Variants in TEAD3 observed in about 807,000 individuals in gnomAD.
TEAD3 encodes the protein transcriptional enhancer factor TEF-5.
TEAD3 carries 15 observed loss-of-function variants against 55.6 expected under a neutral mutation model. The ratio of observed to expected loss-of-function variants is 0.27; its 90% confidence interval spans 0.18 to 0.42. TEAD3 has a LOEUF of 0.42. TEAD3 is among the 10% of genes least tolerant of loss of function. The probability of loss-of-function intolerance (pLI) is 1.00; values close to 1 mark genes in which losing one functional copy is unlikely to be tolerated. For synonymous variants in TEAD3, 210 were observed against 232.2 expected (o/e 0.90, Z 0.87); for missense variants, 407 against 576.8 (o/e 0.71, Z 3.01).
chr6:35,492,342 C>T (rs1036346247), intron 1 of TEAD3, among the ~76,000 whole-genome samples: 3 of 151,984 alleles, frequency 2.0e-5, no homozygotes, highest in Non-Finnish European at 2.9e-5. Flanking sequence ...CTCCCCTACC[C>T]GCCCCACAGC....
At chr6:35,489,153 C>T (rs1330132695) in intron 1 of TEAD3, among the ~76,000 whole-genome samples, 1 of 152,228 alleles carries the variant, frequency 6.6e-6, no homozygotes, top group Non-Finnish European at 1.5e-5. Context: ...AATATTACTA[C>T]TACTAACAGT....
In TEAD3 at chr6:35,475,857, T is replaced by A; in HGVS notation, c.900+62A>T. The A allele has an allele frequency of 6.7e-7, 1 of 1,499,876 alleles. No individual in the cohort carries two copies. The highest frequency in any genetic ancestry group is 8.9e-7 in the Non-Finnish European group (1 of 1,122,974). 92.9% of individuals were successfully genotyped at this position (1,499,876 alleles called of 1,614,324 possible). A position where few individuals can be genotyped will look rare whatever the true frequency, so the allele number is the denominator to read the frequency against. ...GGGTCAGAGGTCAATGCAGTGGGCCTGGATGTTGCACCTCTGGGGTGGGGA... is the reference window on the plus strand; with the variant it reads ...GGGTCAGAGGTCAATGCAGTGGGCCAGGATGTTGCACCTCTGGGGTGGGGA... On this transcript the variant is annotated intron_variant, in intron 10 of 12. Transcript: ENST00000639578. The surrounding 1 kb of genome is among the most constrained non-coding windows in gnomAD (Gnocchi z 5.4).
downstream of TEAD3, chr6:35,474,789 G>A (rs1044822354): frequency 1.3e-5 from 6 of 472,730 alleles, no homozygotes; most frequent in Non-Finnish European, 2.3e-5. Context: ...GCTGGGCAGA[G>A]CAGGGTGATG....
intron 3 of TEAD3, among the ~76,000 whole-genome samples, chr6:35,480,713 T>C (rs1768249628): frequency 6.6e-6 from 1 of 152,168 alleles, no homozygotes; most frequent in Non-Finnish European, 1.5e-5. Flanking sequence ...GGCCACCATG[T>C]ACAGCTGCAC....
chr6:35,474,937 G>C, exon 13 of TEAD3: 1 of 957,910 alleles, frequency 1.0e-6, no homozygotes, highest in Non-Finnish European at 1.5e-6. Context: ...CTGGGCCTGA[G>C]GCCTGGCAGG....
At position 35,480,253 on chromosome 6, in the gene TEAD3, T is replaced by C. The variant is rs193083428; in HGVS notation, c.268-131A>G. ...AGGAAAGGCCTGAGCTATGCAGAGA[T>C]AGCGCCGTGGGTGAGGGGCCCAGGA... On this transcript the variant is annotated intron_variant, in intron 3 of 12. Coordinates refer to ENST00000639578, the Ensembl canonical transcript of TEAD3. The C allele has an allele frequency of 1.2e-5, 19 of 1,589,990 alleles. No individual in the cohort carries two copies. In the South Asian group the frequency reaches 1.7e-4, roughly 14 times the overall value.
At chr6:35,489,952 T>C (rs1768473378) in intron 1 of TEAD3, among the ~76,000 whole-genome samples, 1 of 152,042 alleles carries the variant, frequency 6.6e-6, no homozygotes, top group Non-Finnish European at 1.5e-5. Flanking sequence ...TGGGGGCACC[T>C]AGGGACTCCC....
rs773822920 is a variant in TEAD3, at chr6:35,475,460, C to T, written c.1070G>A (p.Arg357His). The T allele has an allele frequency of 7.4e-6, 12 of 1,613,286 alleles. No homozygotes were observed. The highest frequency in any genetic ancestry group is 2.7e-5 in the African/African-American group (2 of 74,884). Residue 357 changes from arginine to histidine, a missense_variant, in exon 12 of 13, where the codon CGC becomes CAC. Physicochemically the swap from Arg to His is conservative, Grantham distance 29. Transcript: ENST00000639578. This position sits in a 1 kb window ranked among gnomAD's most constrained non-coding sequence, Gnocchi z 5.4. The stretch of plus-strand genomic sequence containing the variant: ...CGAGCGGTGGATACGGTACACAAAG[C>T]GCCCGTTCTCCAGCCTGGCATACTC...
chr6:35,495,464 G>T (rs1768622846), intron 1 of TEAD3, among the ~76,000 whole-genome samples: 1 of 152,140 alleles, frequency 6.6e-6, no homozygotes, highest in South Asian at 2.1e-4. Flanking sequence ...ACTCATACTG[G>T]CTCCTACCCT....
At position 35,483,090 on chromosome 6, in the gene TEAD3, C is replaced by A. The variant is rs1276693451; in HGVS notation, c.267+1470G>T. 6.6e-6 allele frequency among the ~76,000 whole-genome samples: 1 copy of A among 152,200 alleles called. No homozygotes were observed. Among genetic ancestry groups the A allele is most frequent in the African/African-American group, 2.4e-5 (1 of 41,460 alleles). Reference sequence around the variant, plus strand: ...AGGGCTCCAGGGGACAGGGCTCTGGCGCACGCCTCCATGTGGTATCCCTGG... The same window carrying A: ...AGGGCTCCAGGGGACAGGGCTCTGGAGCACGCCTCCATGTGGTATCCCTGG... On this transcript the variant is annotated intron_variant, in intron 3 of 12. Transcript: ENST00000639578. This position sits in a 1 kb window ranked among gnomAD's most constrained non-coding sequence, Gnocchi z 4.5.
chr6:35,475,592 C>T lies in TEAD3; in HGVS notation c.1015G>A (p.Gly339Ser), dbSNP rs773268971. Residue 339 changes from glycine to serine, a missense_variant, in exon 11 of 13, where the codon GGC (glycine) becomes AGC (serine). By Grantham distance (56) the Gly-to-Ser change is moderately conservative (BLOSUM62 0). Transcript: ENST00000639578. This position sits in a 1 kb window ranked among gnomAD's most constrained non-coding sequence, Gnocchi z 5.4. ...TCCACCTTCTCTACCACCTGTTTGCCAAAGGAGCACACCTTGGTGGAGACG... is the reference window on the plus strand; with the variant it reads ...TCCACCTTCTCTACCACCTGTTTGCTAAAGGAGCACACCTTGGTGGAGACG... 3.1e-6 allele frequency: 5 copies of T among 1,612,116 alleles called. No individual in the cohort carries two copies. The African/African-American group carries it at 5.3e-5, about 17-fold the overall frequency.
intron 1 of TEAD3, among the ~76,000 whole-genome samples, chr6:35,492,099 C>T (rs1768534114): frequency 6.6e-6 from 1 of 152,236 alleles, no homozygotes; most frequent in Non-Finnish European, 1.5e-5. Context: ...CTGTGACCTT[C>T]CTGGGTCTAG....
Position 35,495,788 on chromosome 6 carries a change from C to T in TEAD3, c.-50+1110G>A, listed in dbSNP as rs543081057. Among the ~76,000 whole-genome samples, 196 of 152,318 alleles carry T rather than the reference C, an allele frequency of 1.3e-3. 1 individual carries two copies. The highest frequency in any genetic ancestry group is 4.4e-3 in the African/African-American group (184 of 41,566). On this transcript the variant is annotated intron_variant, in intron 1 of 12. Coordinates refer to ENST00000639578, the Ensembl canonical transcript of TEAD3. Reference sequence around the variant, plus strand: ...CCACAAGAGACTGGATACGCAGAGCCGCTATGGGCACCAGCCCCTCTGAGC... The same window carrying T: ...CCACAAGAGACTGGATACGCAGAGCTGCTATGGGCACCAGCCCCTCTGAGC...
rs779278106 is a variant in TEAD3 at position 35,476,383 on chromosome 6, C to CCACA, written c.641_644dup (p.Trp215CysfsTer28). 1 of 1,613,066 alleles carries CCACA rather than the reference C, an allele frequency of 6.2e-7. No individual in the cohort carries two copies. The highest frequency in any genetic ancestry group is 8.5e-7 in the Non-Finnish European group (1 of 1,179,858). On this transcript the variant is annotated frameshift_variant, in exon 9 of 13. Transcript: ENST00000639578. LOFTEE classifies it high-confidence loss of function. ...GGGAGGAGGCAATGGTACGGTCCTGCCACACAGGCACAGAGGCAGCAGCTG... is the reference window on the plus strand; with the variant it reads ...GGGAGGAGGCAATGGTACGGTCCTGCCACACACACAGGCACAGAGGCAGCAGCTG...
chr6:35,490,007 C>T (rs1768474004), intron 1 of TEAD3, among the ~76,000 whole-genome samples: 1 of 152,158 alleles, frequency 6.6e-6, no homozygotes, highest in Admixed American at 6.5e-5. Context: ...AGGTGTCAGT[C>T]TGACACTGCC....
intron 9 of TEAD3, 49 bp downstream of exon 9, chr6:35,476,253 G>A (rs1768145433): frequency 6.3e-7 from 1 of 1,589,546 alleles, no homozygotes; most frequent in Non-Finnish European, 8.6e-7. Context: ...CACCCGGCCG[G>A]CCTCTCCACA....
intron 4 of TEAD3, among the ~76,000 whole-genome samples, chr6:35,479,795 C>A (rs1435417996): frequency 6.6e-6 from 1 of 152,258 alleles, no homozygotes; most frequent in Non-Finnish European, 1.5e-5. Flanking sequence ...ACGGAAGTCC[C>A]CATGCAGTTA....
intron 5 of TEAD3, 123 bp downstream of exon 5, chr6:35,479,182 C>T (rs1167324053): frequency 2.3e-6 from 3 of 1,311,264 alleles, no homozygotes; most frequent in Admixed American, 4.0e-5. Flanking sequence ...CCAGCCATTT[C>T]GTTTTTTTAA....
chr6:35,483,843 TACTTA>T lies in TEAD3; in HGVS notation c.267+712_267+716del, dbSNP rs931738050. ...TCCTGCCTGGGGGGCTTGAAGAAGTTACTTAACTTCCCTATGCATCAGTTTCCTCA... is the reference window on the plus strand; with the variant it reads ...TCCTGCCTGGGGGGCTTGAAGAAGTTACTTCCCTATGCATCAGTTTCCTCA... On this transcript the variant is annotated intron_variant, in intron 3 of 12. Transcript: ENST00000639578. The surrounding 1 kb of genome is among the most constrained non-coding windows in gnomAD (Gnocchi z 4.5). Among the ~76,000 whole-genome samples the T allele has an allele frequency of 1.2e-4, 19 of 152,076 alleles. No homozygotes were observed. The highest frequency in any genetic ancestry group is 4.6e-4 in the African/African-American group (19 of 41,394).
Sources: gnomAD v4.1 joint callset for allele counts (sites outside exome capture counted in the v4.1 genomes callset) on GRCh38, gnomAD v4.1.1 for gene constraint, Gnocchi (gnomAD v3.1) non-coding constraint, MANE v1.5 for transcripts, NCBI Gene and HGNC (gene_info 2026-07-23, HGNC 2026-07-21) for gene names.